CDH12: variants seen among roughly 807,000 people sequenced by gnomAD.
CDH12 encodes cadherin-12.
Under a neutral mutation model 74.1 loss-of-function variants are expected in CDH12, and 41 were observed. That is an observed-to-expected ratio of 0.55 (90% confidence interval 0.43 to 0.72). CDH12 has a LOEUF of 0.72. Ranked by LOEUF, CDH12 falls within the 30% of genes least tolerant of loss-of-function variation. The probability of loss-of-function intolerance (pLI) is 0.00; values close to 1 mark genes in which losing one functional copy is unlikely to be tolerated. For missense variants in CDH12, 945 were observed against 977.2 expected (o/e 0.97, Z 0.44); for synonymous variants, 399 against 355.0 (o/e 1.12, Z -1.39).
chr5:21,752,770 G>A (rs1744170356), intron 14 of CDH12, among the ~76,000 whole-genome samples: 1 of 151,946 alleles, frequency 6.6e-6, no homozygotes, highest in Non-Finnish European at 1.5e-5. Context: ...AGGAAAGAAG[G>A]AAGGAAGTAG....
At chr5:21,930,905 G>T (rs1288983477) in intron 6 of CDH12, among the ~76,000 whole-genome samples, 1 of 152,024 alleles carries the variant, frequency 6.6e-6, no homozygotes, top group Non-Finnish European at 1.5e-5. Flanking sequence ...TAGTATTCTA[G>T]ACCCAAATTA....
chr5:22,484,495 T>C (rs541833383), intron 2 of CDH12, among the ~76,000 whole-genome samples: 1 of 152,276 alleles, frequency 6.6e-6, no homozygotes, highest in Admixed American at 6.5e-5. Flanking sequence ...GAAAGCATAA[T>C]GAGAATTGTG....
intron 11 of CDH12, among the ~76,000 whole-genome samples, chr5:21,772,707 A>G (rs1745388774): frequency 6.6e-6 from 1 of 152,214 alleles, no homozygotes; most frequent in Admixed American, 6.5e-5. Flanking sequence ...TGTCAACAAG[A>G]TAACAATTCC....
At chr5:22,852,573 T>C (rs1737604385) in intron 1 of CDH12, among the ~76,000 whole-genome samples, 2 of 152,194 alleles carry the variant, frequency 1.3e-5, no homozygotes, top group African/African-American at 4.8e-5. Flanking sequence ...TAAATGGTTT[T>C]ACAGTGGTAT....
rs1231607537 is a variant in CDH12 at position 22,405,271 on chromosome 5, T to G, written c.-347A>C. On this transcript the variant is annotated 5_prime_UTR_variant, in exon 3 of 15. Coordinates refer to ENST00000382254, the MANE Select transcript of CDH12 (RefSeq NM_004061.5). ...AATTTACTTACAAGTTAGAGGCAAT[T>G]TATTTTCTAAGGCCAGCTTATGTAT... 1.8e-5 allele frequency: 17 copies of G among 956,824 alleles called. No individual in the cohort carries two copies. The highest frequency in any genetic ancestry group is 5.4e-4 in the Middle Eastern group (1 of 1,856). 59.3% of individuals were successfully genotyped at this position (956,824 alleles called of 1,614,324 possible). A position where few individuals can be genotyped will look rare whatever the true frequency, so the allele number is the denominator to read the frequency against.
At position 22,577,666 on chromosome 5, in the gene CDH12, G is replaced by A. The variant is rs142148057; in HGVS notation, c.-522-72302C>T. Among the ~76,000 whole-genome samples, 383 of 152,288 alleles carry A rather than the reference G, an allele frequency of 2.5e-3. 5 individuals carry two copies. The highest frequency in any genetic ancestry group is 8.7e-3 in the African/African-American group (362 of 41,576). On this transcript the variant is annotated intron_variant, in intron 1 of 14. Coordinates refer to ENST00000382254, the MANE Select transcript of CDH12 (RefSeq NM_004061.5). ...AATGAGATTGTATCTTCAATTTACA[G>A]GGACATCATGAGATAATTTAGGTAA...
chr5:22,512,048 T>C (rs2126672827), intron 1 of CDH12, among the ~76,000 whole-genome samples: 1 of 152,148 alleles, frequency 6.6e-6, no homozygotes, highest in South Asian at 2.1e-4. Context: ...TATTATATCA[T>C]AGTTACAATT....
intron 8 of CDH12, among the ~76,000 whole-genome samples, chr5:21,833,301 T>TTATATGTTATATAACATATAATATATAA (rs1561225707): frequency 3.8e-5 from 2 of 52,060 alleles, no homozygotes; most frequent in Non-Finnish European, 5.4e-5. Context: ...ATAATATATA[T>TTATATGTTATATAACATATAATATATAA]TATATGTTAT....
chr5:21,988,306 AC>A (rs1341417537), intron 5 of CDH12, among the ~76,000 whole-genome samples: 1 of 151,990 alleles, frequency 6.6e-6, no homozygotes, highest in Non-Finnish European at 1.5e-5. Flanking sequence ...AACCTGGCCA[AC>A]ATGATGAAAA....
chr5:22,069,709 G>A (rs1246178698), intron 5 of CDH12, among the ~76,000 whole-genome samples: 6 of 152,124 alleles, frequency 3.9e-5, no homozygotes, highest in African/African-American at 1.4e-4. Context: ...TGTCTGGGGT[G>A]ATTCATCTTG....
intron 3 of CDH12, among the ~76,000 whole-genome samples, chr5:22,369,051 C>T (rs1243734092): frequency 2.0e-5 from 3 of 152,076 alleles, no homozygotes. Flanking sequence ...ATCGCTTGAA[C>T]CCGGGAGGCG....
intron 4 of CDH12, among the ~76,000 whole-genome samples, chr5:22,084,640 C>T (rs1742948904): frequency 6.6e-6 from 1 of 152,188 alleles, no homozygotes; most frequent in Non-Finnish European, 1.5e-5. Flanking sequence ...TTTCAAGTCT[C>T]TATAACACTA....
intron 11 of CDH12, among the ~76,000 whole-genome samples, chr5:21,773,192 G>A (rs914047345): frequency 1.3e-5 from 2 of 152,022 alleles, no homozygotes; most frequent in African/African-American, 4.8e-5. Context: ...TTCTTTCTTC[G>A]AAGTACTACT....
chr5:21,806,990 T>C (rs1271476582), intron 9 of CDH12, among the ~76,000 whole-genome samples: 3 of 152,202 alleles, frequency 2.0e-5, no homozygotes, highest in African/African-American at 7.2e-5. Flanking sequence ...GCCTGAATTC[T>C]GCTAAAACAT....
At chr5:22,264,465 A>G (rs565094487) in intron 3 of CDH12, among the ~76,000 whole-genome samples, 8 of 152,284 alleles carry the variant, frequency 5.3e-5, no homozygotes, top group East Asian at 1.9e-4. Context: ...CAGCAAAATT[A>G]TATCTTAAAC....
chr5:22,023,497 A>G (rs1401546064), intron 5 of CDH12, among the ~76,000 whole-genome samples: 7 of 151,702 alleles, frequency 4.6e-5, no homozygotes, highest in Non-Finnish European at 8.8e-5. Flanking sequence ...TTATCTGTCT[A>G]TTATCTATAT....
intron 5 of CDH12, among the ~76,000 whole-genome samples, chr5:22,030,079 C>T (rs985340073): frequency 2.3e-5 from 3 of 128,482 alleles, no homozygotes; most frequent in Non-Finnish European, 4.6e-5. Flanking sequence ...CACATGGACA[C>T]GAGAAGGGGA....
chr5:21,854,580 A>G, intron 7 of CDH12, 91 bp downstream of exon 7: 5 of 1,032,420 alleles, frequency 4.8e-6, no homozygotes, highest in Non-Finnish European at 2.9e-6. Context: ...TTATGGCTAT[A>G]TTAGAATATG....
intron 1 of CDH12, among the ~76,000 whole-genome samples, chr5:22,716,982 G>A (rs908157609): frequency 2.0e-5 from 3 of 152,136 alleles, no homozygotes; most frequent in Non-Finnish European, 4.4e-5. Flanking sequence ...TTTAAGCTAA[G>A]TGCTATTACA....
Sources: gnomAD v4.1 joint callset for allele counts (sites outside exome capture counted in the v4.1 genomes callset) on GRCh38, gnomAD v4.1.1 for gene constraint, MANE v1.5 for transcripts, NCBI Gene and HGNC (gene_info 2026-07-23, HGNC 2026-07-21) for gene names.